The following CDC42BPA variants were observed in gnomAD, a reference collection of about 807,000 sequenced individuals.
The protein encoded by CDC42BPA is CDC42 binding protein kinase alpha.
A neutral mutation model predicts 223.5 loss-of-function variants in CDC42BPA; 80 were observed. The observed-to-expected ratio is 0.36, with a 90% CI of 0.30 to 0.43. CDC42BPA has a LOEUF of 0.43. Ranked by LOEUF, CDC42BPA falls within the 20% of genes least tolerant of loss-of-function variation. The pLI is 1.00. For synonymous variants in CDC42BPA, 694 were observed against 718.6 expected, an observed-to-expected ratio of 0.97 and a Z score of 0.55; for missense variants, 1,743 against 2,099.9, an observed-to-expected ratio of 0.83 and a Z score of 3.32.
rs1018370820 is a variant in CDC42BPA at position 227,112,876 on chromosome 1, G to C, written c.1685C>G (p.Ser562Cys). The C allele has an allele frequency of 1.9e-6, 3 of 1,613,920 alleles. No individual in the cohort carries two copies. The highest frequency in any genetic ancestry group is 1.7e-5 in the Admixed American group (1 of 60,004). Residue 562 changes from serine to cysteine, a missense_variant, in exon 13 of 37, where the codon TCC becomes TGC. Physicochemically the swap from Ser to Cys is moderately radical, Grantham distance 112 (BLOSUM62 -1). Coordinates refer to ENST00000366766, the MANE Select transcript of CDC42BPA (RefSeq NM_001394014.1). ...VQASERLKNQSKELKDAHCQR... is the reference protein window; with the variant it reads ...VQASERLKNQCKELKDAHCQR... ...ACAGTGTGCGTCTTTCAGCTCTTTG[G>C]ATTGGTTTTTTAATCGCTCACTAGC...
At chr1:227,270,055 G>A (rs1004308776) in intron 1 of CDC42BPA, among the ~76,000 whole-genome samples, 6 of 151,928 alleles carry the variant, frequency 3.9e-5, no homozygotes, top group Non-Finnish European at 7.4e-5. Context: ...TATAAATTAC[G>A]GGATATCCAT....
At chr1:227,253,259 C>A (rs199524337) in intron 2 of CDC42BPA, among the ~76,000 whole-genome samples, 1 of 116,544 alleles carries the variant, frequency 8.6e-6, no homozygotes, top group South Asian at 2.3e-4. Context: ...AGAGAGAGAG[C>A]GAGAGAGAGC....
rs923897574 is a variant in CDC42BPA, at chr1:227,175,210, C to A, written c.600-14574G>T. Among the ~76,000 whole-genome samples, 3 of 152,168 alleles carry A rather than the reference C, an allele frequency of 2.0e-5. No individual in the cohort carries two copies. In the South Asian group the frequency reaches 6.2e-4, roughly 32 times the overall value. Reference sequence around the variant, plus strand: ...TTGGAACTTATATAGAATTCATGGTCTAAATTCCAGATATAACAGCAACTG... The same window carrying A: ...TTGGAACTTATATAGAATTCATGGTATAAATTCCAGATATAACAGCAACTG... On this transcript the variant is annotated intron_variant, in intron 5 of 36. Transcript: ENST00000366766.
At chr1:227,133,213 G>C (rs71468525) in intron 10 of CDC42BPA, among the ~76,000 whole-genome samples, 2 of 147,282 alleles carry the variant, frequency 1.4e-5, no homozygotes, top group South Asian at 2.1e-4. Flanking sequence ...GGAGGGAGGT[G>C]GGGGGGTCAG....
intron 10 of CDC42BPA, among the ~76,000 whole-genome samples, chr1:227,133,964 A>AAAATAAATGAATAAAT (rs1657941861): frequency 7.7e-5 from 3 of 38,798 alleles, no homozygotes; most frequent in South Asian, 1.6e-3. Flanking sequence ...GATCAATAAA[A>AAAATAAATGAATAAAT]AAATAAATGA....
intron 21 of CDC42BPA, among the ~76,000 whole-genome samples, chr1:227,052,767 C>G (rs1673795346): frequency 6.6e-6 from 1 of 152,176 alleles, no homozygotes; most frequent in African/African-American, 2.4e-5. Flanking sequence ...AAAACACCAT[C>G]AGTTTAAGAA....
chr1:227,117,287 T>A (rs1248530477), intron 12 of CDC42BPA, among the ~76,000 whole-genome samples: 1 of 152,250 alleles, frequency 6.6e-6, no homozygotes, highest in East Asian at 1.9e-4. Flanking sequence ...GTAATGATGT[T>A]AATTCTCCCT....
intron 18 of CDC42BPA, 48 bp from the exon 19 acceptor site, chr1:227,074,060 T>G (rs567560597): frequency 1.3e-6 from 2 of 1,562,234 alleles, no homozygotes; most frequent in African/African-American, 1.4e-5. Context: ...TTTTAACATT[T>G]AAATTATTAT....
Position 227,077,504 on chromosome 1 carries a change from C to T in CDC42BPA, c.2481-3140G>A, listed in dbSNP as rs576809450. Among the ~76,000 whole-genome samples the T allele has an allele frequency of 3.9e-5, 6 of 152,254 alleles. No homozygotes were observed. In the South Asian group the frequency reaches 1.2e-3, roughly 32 times the overall value. Reference sequence around the variant, plus strand: ...AAACCCTTCTCCTGGTTCTCCTCTACAGAGCTGTTTCATCTAGCTTTTATA... The same window carrying T: ...AAACCCTTCTCCTGGTTCTCCTCTATAGAGCTGTTTCATCTAGCTTTTATA... On this transcript the variant is annotated intron_variant, in intron 17 of 36. Transcript: ENST00000366766.
Position 227,005,966 on chromosome 1 carries a change from C to T in CDC42BPA, c.4858-855G>A, listed in dbSNP as rs117378057. Among the ~76,000 whole-genome samples the T allele has an allele frequency of 2.5e-3, 388 of 152,302 alleles. 9 individuals are homozygous for T. In the East Asian group the frequency reaches 0.047, roughly 19 times the overall value. On this transcript the variant is annotated intron_variant, in intron 34 of 36. Transcript: ENST00000366766. ...AGAAAGCATGCTGCCTCCCCAAAGG[C>T]CCCAATCTTTTTCAGACCAGGAGGA...
intron 21 of CDC42BPA, among the ~76,000 whole-genome samples, chr1:227,063,458 AAAG>A (rs1471136602): frequency 3.3e-5 from 5 of 152,148 alleles, no homozygotes; most frequent in African/African-American, 9.7e-5. Flanking sequence ...ATAAAATACC[AAAG>A]AAGAAATGGA....
At chr1:227,276,470 G>C (rs1037184220) in intron 1 of CDC42BPA, among the ~76,000 whole-genome samples, 4 of 151,070 alleles carry the variant, frequency 2.6e-5, no homozygotes, top group Non-Finnish European at 1.5e-5. Context: ...GCCCCCGCTC[G>C]GCCAGCCGCC....
chr1:227,208,523 GA>G (rs1207098280), intron 3 of CDC42BPA, among the ~76,000 whole-genome samples: 5 of 148,728 alleles, frequency 3.4e-5, no homozygotes, highest in Non-Finnish European at 3.0e-5. Flanking sequence ...ATCTTGAATT[GA>G]TTTTTGTATA....
rs535727130 is a variant in CDC42BPA, at chr1:227,208,837, G to A, written c.354+4299C>T. Among the ~76,000 whole-genome samples the A allele has an allele frequency of 9.6e-4, 146 of 152,104 alleles. 2 individuals carry two copies. In the Middle Eastern group the frequency reaches 0.01, roughly 11 times the overall value. ...TGGCTTAGGATTGCCTTGGCGATGCGGGCTCTTTTTCGGTTCCATATGAAC... is the reference window on the plus strand; with the variant it reads ...TGGCTTAGGATTGCCTTGGCGATGCAGGCTCTTTTTCGGTTCCATATGAAC... On this transcript the variant is annotated intron_variant, in intron 3 of 36. Coordinates refer to ENST00000366766, the MANE Select transcript of CDC42BPA (RefSeq NM_001394014.1).
chr1:227,011,625 A>G (rs1665228936), intron 34 of CDC42BPA, among the ~76,000 whole-genome samples: 1 of 152,214 alleles, frequency 6.6e-6, no homozygotes, highest in African/African-American at 2.4e-5. Flanking sequence ...GCTTATCTCC[A>G]TTTAGACACC....
chr1:227,171,048 A>G (rs912512332), intron 5 of CDC42BPA, among the ~76,000 whole-genome samples: 6 of 152,238 alleles, frequency 3.9e-5, no homozygotes, highest in Non-Finnish European at 5.9e-5. Context: ...ACAACCAGAT[A>G]CTAAGAATTG....
At chr1:227,086,772 A>G (rs1682005317) in intron 16 of CDC42BPA, among the ~76,000 whole-genome samples, 1 of 151,508 alleles carries the variant, frequency 6.6e-6, no homozygotes. Flanking sequence ...ACTCACATAA[A>G]TCCTCCCGTT....
chr1:227,316,972 G>C (rs754849573), intron 1 of CDC42BPA, 33 bp downstream of exon 1: 17 of 1,514,508 alleles, frequency 1.1e-5, no homozygotes, highest in Non-Finnish European at 1.5e-5. Flanking sequence ...ACCAGCTAAA[G>C]ATTAACAGTT....
At chr1:227,297,712 T>C (rs537991619) in intron 1 of CDC42BPA, among the ~76,000 whole-genome samples, 25 of 152,110 alleles carry the variant, frequency 1.6e-4, no homozygotes, top group African/African-American at 5.5e-4. Flanking sequence ...ATTCCACTTA[T>C]ACAAAATATC....
Sources: gnomAD v4.1 joint callset for allele counts (sites outside exome capture counted in the v4.1 genomes callset) on GRCh38, gnomAD v4.1.1 for gene constraint, MANE v1.5 for transcripts, NCBI Gene and HGNC (gene_info 2026-07-23, HGNC 2026-07-21) for gene names.